Variants in LRRC40 observed in about 807,000 individuals in gnomAD.
LRRC40 encodes leucine rich repeat containing 40.
LRRC40 carries 76 observed loss-of-function variants against 72.8 expected under a neutral mutation model. The ratio of observed to expected loss-of-function variants is 1.04; its 90% CI spans 0.87 to 1.26. The LOEUF is 1.26. Ranked by LOEUF, LRRC40 falls within the 50% of genes most tolerant of loss-of-function variation. The pLI, the probability that LRRC40 is intolerant of heterozygous loss-of-function variation, is 0.00. For missense variants in LRRC40, 684 were observed against 698.9 expected (o/e 0.98, Z 0.24); for synonymous variants, 243 against 254.2 (o/e 0.96, Z 0.42).
chr1:70,145,793 C>T lies in LRRC40; in HGVS notation c.*7G>A, dbSNP rs369993141. 25 of 1,478,730 alleles carry T rather than the reference C, an allele frequency of 1.7e-5. No individual in the cohort carries two copies. In the East Asian group the frequency reaches 2.0e-4, roughly 12 times the overall value. The allele number at this position is 1,478,730 out of a possible 1,614,324, so 91.6% of individuals were successfully genotyped here. On this transcript the variant is annotated 3_prime_UTR_variant, in exon 15 of 15. Transcript: ENST00000370952. ...ATACATGACAAGGGTTATAAAGCAA[C>T]TCCATGTTAAGTAGGAATTCGGTCT...
intron 13 of LRRC40, among the ~76,000 whole-genome samples, chr1:70,150,164 C>G: frequency 6.6e-6 from 1 of 152,134 alleles, no homozygotes; most frequent in East Asian, 1.9e-4. Context: ...GGTGATCCGC[C>G]CACCTCGGCC....
At chr1:70,181,748 T>C (rs1236251500) in intron 4 of LRRC40, among the ~76,000 whole-genome samples, 1 of 152,034 alleles carries the variant, frequency 6.6e-6, no homozygotes, top group African/African-American at 2.4e-5. Context: ...TCAGATCTGA[T>C]TGGTACCAGA....
At chr1:70,198,251 T>C (rs1381694068) in intron 1 of LRRC40, among the ~76,000 whole-genome samples, 1 of 152,210 alleles carries the variant, frequency 6.6e-6, no homozygotes, top group Non-Finnish European at 1.5e-5. Context: ...CATATTTCCC[T>C]TTCAAATAAT....
Position 70,187,325 on chromosome 1 carries a change from T to G in LRRC40, c.347A>C (p.Gln116Pro), listed in dbSNP as rs1668382087. 1 of 1,561,884 alleles carries G rather than the reference T, an allele frequency of 6.4e-7. No individual in the cohort carries two copies. Among genetic ancestry groups the G allele is most frequent in the African/African-American group, 1.4e-5 (1 of 73,494 alleles). Residue 116 changes from glutamine to proline, a missense_variant, in exon 3 of 15, where the codon CAG becomes CCG. Transcript: ENST00000370952. ...TATAGCAGAAGGAAGGGATGTCAAC[T>G]GATTATCATGTATCTAAAAGTTTTT... ...ALTVLDIHDN[Q>P]LTSLPSAIRE... is the part of the protein sequence containing the mutation.
chr1:70,182,790 G>A (rs1668274959), intron 4 of LRRC40, among the ~76,000 whole-genome samples: 1 of 151,970 alleles, frequency 6.6e-6, no homozygotes, highest in South Asian at 2.1e-4. Flanking sequence ...TTAAATTATA[G>A]GTGTTTAATC....
At chr1:70,177,987 T>C (rs1668146481) in intron 6 of LRRC40, among the ~76,000 whole-genome samples, 1 of 152,242 alleles carries the variant, frequency 6.6e-6, no homozygotes, top group Non-Finnish European at 1.5e-5. Flanking sequence ...TATGATTTTC[T>C]TAATAAGATT....
At chr1:70,205,331 T>C (rs1412440082) in intron 1 of LRRC40, 59 bp downstream of exon 1, 3 of 1,461,698 alleles carry the variant, frequency 2.1e-6, no homozygotes, top group Non-Finnish European at 9.2e-7. Context: ...AAAGGGAGGT[T>C]GCCTGGGCCA....
At chr1:70,177,641 A>G (rs566786350) in intron 6 of LRRC40, among the ~76,000 whole-genome samples, 3 of 152,368 alleles carry the variant, frequency 2.0e-5, no homozygotes, top group African/African-American at 7.2e-5. Flanking sequence ...ATGACATTAC[A>G]AGAAAAGTTG....
At chr1:70,189,400 A>C in intron 1 of LRRC40, 127 bp from the exon 2 acceptor site, 1 of 766,784 alleles carries the variant, frequency 1.3e-6, no homozygotes. Flanking sequence ...ATTTTCTAAA[A>C]CAAAAAATAA....
chr1:70,158,206 ACTTAG>A (rs1211402399), intron 10 of LRRC40, among the ~76,000 whole-genome samples: 2 of 152,126 alleles, frequency 1.3e-5, no homozygotes, highest in Non-Finnish European at 2.9e-5. Context: ...GGCAAAAGAA[ACTTAG>A]CTTAGAGTAG....
At chr1:70,180,686 A>T (rs949049090) in intron 5 of LRRC40, among the ~76,000 whole-genome samples, 9 of 152,138 alleles carry the variant, frequency 5.9e-5, no homozygotes, top group African/African-American at 2.2e-4. Context: ...AGACAAAACA[A>T]GACTTATTTC....
chr1:70,199,209 A>G (rs1294163457), intron 1 of LRRC40, among the ~76,000 whole-genome samples: 1 of 125,060 alleles, frequency 8.0e-6, no homozygotes, highest in African/African-American at 3.4e-5. Flanking sequence ...CAAATTATAC[A>G]TAGTCTCACA....
At chr1:70,195,723 T>C (rs1050615361) in intron 1 of LRRC40, among the ~76,000 whole-genome samples, 1 of 152,170 alleles carries the variant, frequency 6.6e-6, no homozygotes, top group Non-Finnish European at 1.5e-5. Flanking sequence ...AACCTCCGCC[T>C]CCCGGGTTCA....
chr1:70,205,081 T>G lies in LRRC40; in HGVS notation c.151+309A>C, dbSNP rs1322269310. Among the ~76,000 whole-genome samples the G allele has an allele frequency of 2.0e-5, 3 of 152,202 alleles. 1 individual carries two copies. The East Asian group carries it at 5.8e-4, about 29-fold the overall frequency. ...AAGAAACAAAAGATTTGCCCGTGAT[T>G]TGATAGCTGGTTTCGTCACATATTA... is the stretch of plus-strand genomic sequence containing the variant. On this transcript the variant is annotated intron_variant, in intron 1 of 14. Transcript: ENST00000370952.
At chr1:70,147,306 T>C (rs1406142741) in intron 14 of LRRC40, 1 of 152,224 alleles carries the variant, frequency 6.6e-6, no homozygotes, top group African/African-American at 2.4e-5. Flanking sequence ...CATACCTTTG[T>C]TGGTGATTTC....
In LRRC40 at chr1:70,152,149, A is replaced by G. The variant is rs1161234430; in HGVS notation, c.1439+284T>C. On this transcript the variant is annotated intron_variant, in intron 12 of 14. Transcript: ENST00000370952. ...GTGAAAAAAATACTTTCCATGTCTT[A>G]TTTGTAATTTTGCTTAGAATGGGTT... 2.0e-5 allele frequency among the ~76,000 whole-genome samples: 3 copies of G among 152,078 alleles called. No homozygotes were observed. The East Asian group carries it at 5.8e-4, about 29-fold the overall frequency.
Position 70,184,190 on chromosome 1 carries a change from A to G in LRRC40, c.537+595T>C, listed in dbSNP as rs1323154273. Among the ~76,000 whole-genome samples, 8 of 152,150 alleles carry G rather than the reference A, an allele frequency of 5.3e-5. No homozygotes were observed. In the South Asian group the frequency reaches 6.2e-4, roughly 12 times the overall value. ...CTTGAACCTGGGAGGTGGAGGTTGC[A>G]GTGAGCGAGATTGCGCCACTGCACT... On this transcript the variant is annotated intron_variant, in intron 4 of 14. Coordinates refer to ENST00000370952, the MANE Select transcript of LRRC40 (RefSeq NM_017768.5).
At chr1:70,158,391 CCTAT>C (rs1212082844) in intron 10 of LRRC40, among the ~76,000 whole-genome samples, 1 of 151,146 alleles carries the variant, frequency 6.6e-6, no homozygotes, top group African/African-American at 2.4e-5. Context: ...AATCTAGTCA[CCTAT>C]CTGACTTCAG....
intron 12 of LRRC40, 49 bp downstream of exon 12, chr1:70,152,384 A>G (rs767044208): frequency 3.1e-6 from 3 of 964,398 alleles, no homozygotes; most frequent in Non-Finnish European, 4.9e-6. Context: ...CAAAACTCAA[A>G]GACAAGTTAT....
Sources: gnomAD v4.1 joint callset for allele counts (sites outside exome capture counted in the v4.1 genomes callset) on GRCh38, gnomAD v4.1.1 for gene constraint, MANE v1.5 for transcripts, NCBI Gene and HGNC (gene_info 2026-07-23, HGNC 2026-07-21) for gene names.